The following CNTN1 variants were observed in gnomAD, a reference collection of about 807,000 sequenced individuals.
The protein encoded by CNTN1 is contactin-1.
Under a neutral mutation model 126.4 loss-of-function variants are expected in CNTN1, and 38 were observed. The ratio of observed to expected loss-of-function variants is 0.30; its 90% CI spans 0.23 to 0.39. The LOEUF (loss-of-function observed/expected upper bound fraction) is 0.39. Among genes scored for constraint, CNTN1 ranks in the 10% least tolerant of loss-of-function variants. The pLI is 1.00. For synonymous variants in CNTN1, 413 were observed against 422.6 expected, an observed-to-expected ratio of 0.98 and a Z score of 0.28; for missense variants, 1,009 against 1,248.4, an observed-to-expected ratio of 0.81 and a Z score of 2.89.
At chr12:40,982,818 G>A (rs1566087353) in intron 16 of CNTN1, among the ~76,000 whole-genome samples, 2 of 151,964 alleles carry the variant, frequency 1.3e-5, no homozygotes, top group South Asian at 4.1e-4. Flanking sequence ...ACAGAAAAGA[G>A]GAATGGGGAA....
chr12:40,830,160 A>G (rs918334517), intron 1 of CNTN1, among the ~76,000 whole-genome samples: 1 of 152,172 alleles, frequency 6.6e-6, no homozygotes, highest in Non-Finnish European at 1.5e-5. Context: ...CTCATTTAAA[A>G]GACATAATGT....
At chr12:40,829,271 ATATATACTAGTGAATT>A (rs1327399892) in intron 1 of CNTN1, among the ~76,000 whole-genome samples, 6 of 152,074 alleles carry the variant, frequency 3.9e-5, no homozygotes, top group Non-Finnish European at 8.8e-5. Context: ...ACTAGTGAAT[ATATATACTAGTGAATT>A]TATATTACTA....
intron 15 of CNTN1, among the ~76,000 whole-genome samples, chr12:40,968,527 T>C (rs1301597698): frequency 6.6e-6 from 1 of 152,092 alleles, no homozygotes; most frequent in African/African-American, 2.4e-5. Context: ...GTAAATGAAA[T>C]TTTGATGTGT....
chr12:40,853,076 T>C (rs1343818459), intron 1 of CNTN1, among the ~76,000 whole-genome samples: 1 of 152,146 alleles, frequency 6.6e-6, no homozygotes, highest in Admixed American at 6.6e-5. Flanking sequence ...TCAGTATTTT[T>C]CAGCCCTGGT....
chr12:40,961,175 A>G (rs986876200), intron 15 of CNTN1, among the ~76,000 whole-genome samples: 5 of 152,052 alleles, frequency 3.3e-5, no homozygotes, highest in Non-Finnish European at 5.9e-5. Context: ...CTTGCACTAT[A>G]GTAGGATGCT....
At chr12:40,758,126 T>A (rs1565693738) in intron 1 of CNTN1, among the ~76,000 whole-genome samples, 1 of 150,752 alleles carries the variant, frequency 6.6e-6, no homozygotes, top group Non-Finnish European at 1.5e-5. Context: ...ATAGTTATTA[T>A]CTAGTATGAT....
chr12:40,723,395 A>G (rs1019520601), intron 1 of CNTN1, among the ~76,000 whole-genome samples: 1 of 152,200 alleles, frequency 6.6e-6, no homozygotes, highest in African/African-American at 2.4e-5. Flanking sequence ...TATTAACCCG[A>G]AAGCCTCCAA....
intron 1 of CNTN1, among the ~76,000 whole-genome samples, chr12:40,731,285 A>G (rs1864177747): frequency 6.6e-6 from 1 of 152,044 alleles, no homozygotes; most frequent in African/African-American, 2.4e-5. Flanking sequence ...TTTTCCCTTA[A>G]CAATAAAGCA....
At chr12:41,018,645 T>C (rs1447170124) in intron 19 of CNTN1, among the ~76,000 whole-genome samples, 1 of 150,996 alleles carries the variant, frequency 6.6e-6, no homozygotes, top group Non-Finnish European at 1.5e-5. Flanking sequence ...GTTATATATA[T>C]ACTTTTTACT....
intron 1 of CNTN1, among the ~76,000 whole-genome samples, chr12:40,739,289 C>G (rs1377818315): frequency 6.6e-6 from 1 of 152,006 alleles, no homozygotes; most frequent in Non-Finnish European, 1.5e-5. Context: ...CTCAAAATCT[C>G]AGCATTTAGT....
At chr12:40,771,241 A>T (rs1343430026) in intron 1 of CNTN1, among the ~76,000 whole-genome samples, 1 of 152,102 alleles carries the variant, frequency 6.6e-6, no homozygotes, top group East Asian at 1.9e-4. Flanking sequence ...ACACTCAGAG[A>T]GTATTAGAAT....
chr12:40,877,725 T>G (rs1364502303), intron 1 of CNTN1, among the ~76,000 whole-genome samples: 1 of 152,236 alleles, frequency 6.6e-6, no homozygotes, highest in African/African-American at 2.4e-5. Context: ...TCCAAAATGC[T>G]TGTTACTTCA....
chr12:40,881,280 C>T (rs1192896526), intron 1 of CNTN1, among the ~76,000 whole-genome samples: 1 of 151,814 alleles, frequency 6.6e-6, no homozygotes, highest in Non-Finnish European at 1.5e-5. Flanking sequence ...AGAGAATGAA[C>T]ACGTACTATG....
chr12:40,916,628 C>A (rs1224131301), intron 3 of CNTN1, among the ~76,000 whole-genome samples: 1 of 151,992 alleles, frequency 6.6e-6, no homozygotes, highest in Admixed American at 6.6e-5. Flanking sequence ...GCTTTTACAG[C>A]CTCAAGAAGG....
Position 40,961,877 on chromosome 12 carries a change from CAT to C in CNTN1, c.1804+2644_1804+2645del, listed in dbSNP as rs902477880. The stretch of plus-strand genomic sequence containing the variant: ...ATTTGCACTCAACCCTTCAAAATTA[CAT>C]GTTTGTAAAAAATATTAAATATGTT... On this transcript the variant is annotated intron_variant, in intron 15 of 23. Coordinates refer to ENST00000551295, the MANE Select transcript of CNTN1 (RefSeq NM_001843.4). 6.6e-5 allele frequency among the ~76,000 whole-genome samples: 10 copies of C among 152,000 alleles called. No individual in the cohort carries two copies. In the East Asian group the frequency reaches 9.6e-4, roughly 15 times the overall value.
Position 41,056,925 on chromosome 12 carries a change from AGATATTTATAAATATTTATAATAT to A in CNTN1, c.2981-13033_2981-13010del, listed in dbSNP as rs1301600133. On this transcript the variant is annotated intron_variant, in intron 23 of 23. Transcript: ENST00000551295. ...ATATTTATAAATATTTATAATATTT[AGATATTTATAAATATTTATAATAT>A]TTAGATATTTATAAATATTATAAAT... Among the ~76,000 whole-genome samples the A allele has an allele frequency of 1.1e-4, 9 of 80,048 alleles. 1 individual carries two copies. The highest frequency in any genetic ancestry group is 3.7e-4 in the African/African-American group (8 of 21,356). 52.5% of individuals were successfully genotyped at this position (80,048 alleles called of 152,430 possible).
chr12:40,864,019 CTTTTTTT>C (rs71434336), intron 1 of CNTN1, among the ~76,000 whole-genome samples: 3 of 92,584 alleles, frequency 3.2e-5, no homozygotes, highest in Non-Finnish European at 6.1e-5. Context: ...CTCTGCTTTC[CTTTTTTT>C]TTTTTTTTTT....
chr12:41,007,047 T>C (rs1189050332), intron 17 of CNTN1, among the ~76,000 whole-genome samples: 1 of 12,614 alleles, frequency 7.9e-5, no homozygotes, highest in Non-Finnish European at 1.5e-4. Flanking sequence ...TTTGTGTGGT[T>C]TTTTTTTTTT....
intron 1 of CNTN1, among the ~76,000 whole-genome samples, chr12:40,823,070 G>A (rs1408268618): frequency 6.6e-6 from 1 of 151,998 alleles, no homozygotes; most frequent in African/African-American, 2.4e-5. Context: ...ATGTATGTAT[G>A]TATACACACA....
Sources: allele counts gnomAD v4.1 joint callset (sites outside exome capture counted in the v4.1 genomes callset), GRCh38; gene constraint gnomAD v4.1.1; transcripts MANE v1.5; gene names NCBI Gene and HGNC (gene_info 2026-07-23, HGNC 2026-07-21).